Variants in CAPZA1 observed in about 807,000 individuals in gnomAD.
CAPZA1 encodes the protein F-actin-capping protein subunit alpha-1.
A neutral mutation model predicts 40.8 loss-of-function variants in CAPZA1; 10 were observed. The observed-to-expected ratio is 0.25, with a 90% CI of 0.15 to 0.42. The LOEUF (loss-of-function observed/expected upper bound fraction) is 0.42. CAPZA1 is among the 10% of genes least tolerant of loss of function. The probability of loss-of-function intolerance (pLI) is 1.00; values close to 1 mark genes in which losing one functional copy is unlikely to be tolerated. For synonymous variants in CAPZA1, 98 were observed against 115.0 expected (o/e 0.85, Z 0.95); for missense variants, 277 against 353.8 (o/e 0.78, Z 1.74).
chr1:112,632,771 C>T (rs1670945208), intron 1 of CAPZA1, among the ~76,000 whole-genome samples: 1 of 152,160 alleles, frequency 6.6e-6, no homozygotes, highest in African/African-American at 2.4e-5. Flanking sequence ...AACTAACTTG[C>T]CTGACTTCCC....
intron 7 of CAPZA1, among the ~76,000 whole-genome samples, chr1:112,662,037 TGTTA>T (rs1671622469): frequency 1.3e-5 from 2 of 152,386 alleles, no homozygotes; most frequent in Non-Finnish European, 2.9e-5. Flanking sequence ...TTGAAATTTG[TGTTA>T]GTTAATTGAA....
chr1:112,632,248 CA>C (rs1670932871), intron 1 of CAPZA1, among the ~76,000 whole-genome samples: 1 of 152,144 alleles, frequency 6.6e-6, no homozygotes, highest in African/African-American at 2.4e-5. Flanking sequence ...GTGGAGGTTG[CA>C]GTGCGCCAAC....
intron 1 of CAPZA1, among the ~76,000 whole-genome samples, chr1:112,645,937 G>T (rs1671272580): frequency 1.4e-5 from 2 of 147,636 alleles, no homozygotes; most frequent in African/African-American, 5.1e-5. Flanking sequence ...CTCCAGTCTG[G>T]GCAACAACAT....
intron 8 of CAPZA1, among the ~76,000 whole-genome samples, 176 bp from the exon 9 acceptor site, chr1:112,669,367 A>G (rs958188907): frequency 4.1e-4 from 62 of 152,328 alleles, no homozygotes; most frequent in African/African-American, 1.4e-3. Flanking sequence ...TATGATTATA[A>G]CATAGTGTCT....
rs5777132 is a variant in CAPZA1 at position 112,635,553 on chromosome 1, C to CTT, written c.40-11642_40-11641dup. Among the ~76,000 whole-genome samples, 1,066 of 139,506 alleles carry CTT rather than the reference C, an allele frequency of 7.6e-3. 13 individuals carry two copies. Among genetic ancestry groups the CTT allele is most frequent in the Middle Eastern group, 0.034 (9 of 268 alleles). 91.5% of individuals were successfully genotyped at this position (139,506 alleles called of 152,430 possible). A position where few individuals can be genotyped will look rare whatever the true frequency, so the allele number is the denominator to read the frequency against. ...TTCGTTTGTATGTGTTTGTCAAGGA[C>CTT]TTTTTTTTTTTTTTTTGAGACGAGT... On this transcript the variant is annotated intron_variant, in intron 1 of 9. Transcript: ENST00000263168.
intron 1 of CAPZA1, among the ~76,000 whole-genome samples, chr1:112,627,335 C>T (rs774459368): frequency 2.0e-5 from 3 of 152,068 alleles, no homozygotes; most frequent in African/African-American, 7.2e-5. Flanking sequence ...GTTCTGTGGT[C>T]CTGATTGCAT....
At chr1:112,628,626 T>C (rs1670860085) in intron 1 of CAPZA1, among the ~76,000 whole-genome samples, 1 of 152,220 alleles carries the variant, frequency 6.6e-6, no homozygotes, top group Admixed American at 6.5e-5. Context: ...CACGTCTTTG[T>C]ATAACAGCAT....
intron 1 of CAPZA1, among the ~76,000 whole-genome samples, chr1:112,642,655 G>A (rs990120147): frequency 1.3e-5 from 2 of 151,950 alleles, no homozygotes; most frequent in Non-Finnish European, 2.9e-5. Context: ...TCCAGTCTTC[G>A]GTCTTTATTT....
intron 1 of CAPZA1, among the ~76,000 whole-genome samples, chr1:112,628,980 T>C (rs1670868381): frequency 6.6e-6 from 1 of 152,178 alleles, no homozygotes; most frequent in Non-Finnish European, 1.5e-5. Flanking sequence ...TTTTTTATGG[T>C]TTCCCTGCTT....
At chr1:112,665,418 G>C (rs1410785405) in intron 7 of CAPZA1, among the ~76,000 whole-genome samples, 1 of 151,966 alleles carries the variant, frequency 6.6e-6, no homozygotes, top group Non-Finnish European at 1.5e-5. Context: ...GACCTCAAGT[G>C]ATCCGCCCGC....
In CAPZA1 at chr1:112,670,164, A is replaced by G. The variant is rs2101196348; in HGVS notation, c.*32A>G. On this transcript the variant is annotated 3_prime_UTR_variant, in exon 10 of 10. Transcript: ENST00000263168. ...AATGTAGGATTCTTCAGTATGTGGAAAGACAAGGATTCAACGTGTGGTCAT... is the reference window on the plus strand; with the variant it reads ...AATGTAGGATTCTTCAGTATGTGGAGAGACAAGGATTCAACGTGTGGTCAT... 1 of 1,612,096 alleles carries G rather than the reference A, an allele frequency of 6.2e-7. No individual in the cohort carries two copies. Among genetic ancestry groups the G allele is most frequent in the East Asian group, 2.2e-5 (1 of 44,866 alleles).
intron 1 of CAPZA1, among the ~76,000 whole-genome samples, chr1:112,633,095 T>C (rs1260717513): frequency 5.3e-5 from 8 of 152,214 alleles, no homozygotes; most frequent in Admixed American, 5.2e-4. Context: ...ACAGTAACTT[T>C]TATTTAGTGA....
intron 1 of CAPZA1, among the ~76,000 whole-genome samples, chr1:112,639,800 G>T (rs1404087809): frequency 7.1e-6 from 1 of 141,116 alleles, no homozygotes; most frequent in African/African-American, 2.7e-5. Flanking sequence ...GCCTCTGCCC[G>T]GCCGCCCCTA....
chr1:112,635,000 C>T (rs1028929608), intron 1 of CAPZA1, among the ~76,000 whole-genome samples: 3 of 152,074 alleles, frequency 2.0e-5, no homozygotes, highest in Non-Finnish European at 4.4e-5. Context: ...TACTCATTGC[C>T]TGCCATGTGT....
intron 5 of CAPZA1, among the ~76,000 whole-genome samples, chr1:112,654,920 A>G (rs537189752): frequency 6.6e-6 from 1 of 152,282 alleles, no homozygotes; most frequent in Admixed American, 6.5e-5. Context: ...TGACTTATGA[A>G]AAATGCCTTA....
chr1:112,629,364 T>C (rs142401960), intron 1 of CAPZA1, among the ~76,000 whole-genome samples: 2 of 152,350 alleles, frequency 1.3e-5, no homozygotes, highest in African/African-American at 4.8e-5. Context: ...TCCCTTTTCT[T>C]TGCCTTGTTT....
intron 1 of CAPZA1, among the ~76,000 whole-genome samples, chr1:112,641,706 T>TG (rs1671169096): frequency 6.6e-6 from 1 of 152,002 alleles, no homozygotes; most frequent in South Asian, 2.1e-4. Flanking sequence ...CTAGCCAACA[T>TG]GGTGAAACCC....
intron 1 of CAPZA1, among the ~76,000 whole-genome samples, chr1:112,640,122 CCG>C: frequency 1.6e-5 from 2 of 127,052 alleles, no homozygotes; most frequent in African/African-American, 3.0e-5. Context: ...GCCAGCCGCC[CCG>C]TCCGGGAGGG....
At chr1:112,639,885 C>A (rs1161388655) in intron 1 of CAPZA1, among the ~76,000 whole-genome samples, 3 of 133,932 alleles carry the variant, frequency 2.2e-5, no homozygotes, top group Admixed American at 7.8e-5. Context: ...GCCCCCCACC[C>A]GGCCAGCCGC....
Sources: allele counts gnomAD v4.1 joint callset (sites outside exome capture counted in the v4.1 genomes callset), GRCh38; gene constraint gnomAD v4.1.1; transcripts MANE v1.5; gene names NCBI Gene and HGNC (gene_info 2026-07-23, HGNC 2026-07-21).